PDGFRA: variants seen among roughly 807,000 people sequenced by gnomAD.
PDGFRA encodes the protein platelet-derived growth factor receptor alpha.
A neutral mutation model predicts 121.5 loss-of-function variants in PDGFRA; 25 were observed. The observed-to-expected ratio is 0.21, with a 90% CI of 0.15 to 0.29. PDGFRA has a LOEUF of 0.29. PDGFRA is among the 10% of genes least tolerant of loss of function. The pLI is 1.00. For missense variants in PDGFRA, 1,008 were observed against 1,345.1 expected (o/e 0.75, Z 3.92); for synonymous variants, 463 against 494.8 (o/e 0.94, Z 0.85).
intron 15 of PDGFRA, 137 bp from the exon 16 acceptor site, chr4:54,280,179 G>A (rs1723990318): frequency 1.5e-6 from 1 of 675,906 alleles, no homozygotes; most frequent in Non-Finnish European, 2.7e-6. Context: ...CATGTGAAAG[G>A]TATGGATTGG....
At chr4:54,251,057 C>A in intron 1 of PDGFRA, among the ~76,000 whole-genome samples, 1 of 140,582 alleles carries the variant, frequency 7.1e-6, no homozygotes, top group Admixed American at 7.3e-5. Context: ...AAGAGGGAAA[C>A]TCCGTCTCAA....
rs1577714268 is a variant in PDGFRA, at chr4:54,267,220, A to G, written c.760-69A>G. 46 of 1,406,252 alleles carry G rather than the reference A, an allele frequency of 3.3e-5. 2 individuals are homozygous for G. The South Asian group carries it at 4.3e-4, about 13-fold the overall frequency. 87.1% of individuals were successfully genotyped at this position (1,406,252 alleles called of 1,614,324 possible). On this transcript the variant is annotated intron_variant, in intron 5 of 22. Coordinates refer to ENST00000257290, the MANE Select transcript of PDGFRA (RefSeq NM_006206.6). Reference sequence around the variant, plus strand: ...CACATCCATATCATCCAGAGTCCATAGTTTATCTTAGAGTTCACTCCTAGG... The same window carrying G: ...CACATCCATATCATCCAGAGTCCATGGTTTATCTTAGAGTTCACTCCTAGG...
At chr4:54,280,943 T>A (rs758992740) in intron 16 of PDGFRA, among the ~76,000 whole-genome samples, 14 of 152,214 alleles carry the variant, frequency 9.2e-5, no homozygotes, top group Non-Finnish European at 1.9e-4. Context: ...AAGTCTCTGA[T>A]GTCTATGAGT....
intron 1 of PDGFRA, among the ~76,000 whole-genome samples, chr4:54,231,489 G>A (rs1026714605): frequency 2.0e-5 from 3 of 152,226 alleles, no homozygotes; most frequent in African/African-American, 7.2e-5. Context: ...CTCTCCGGGC[G>A]TGCGCACCTC....
rs576172568 is a variant in PDGFRA at position 54,241,982 on chromosome 4, T to G, written c.-13+12567T>G. ...ACTTTTAATTCTAGAATCTGTTTCC[T>G]TTGAAGGCCTCTCAGATTTATATCT... On this transcript the variant is annotated intron_variant, in intron 1 of 22. Coordinates refer to ENST00000257290, the MANE Select transcript of PDGFRA (RefSeq NM_006206.6). Among the ~76,000 whole-genome samples, 3 of 152,356 alleles carry G rather than the reference T, an allele frequency of 2.0e-5. No individual in the cohort carries two copies. In the South Asian group the frequency reaches 6.2e-4, roughly 32 times the overall value.
chr4:54,282,435 T>G (rs1160917518), intron 16 of PDGFRA, among the ~76,000 whole-genome samples: 2 of 152,084 alleles, frequency 1.3e-5, no homozygotes, highest in African/African-American at 4.8e-5. Flanking sequence ...GCCACACACT[T>G]CTAAACAGTC....
rs1459742164 is a variant in PDGFRA, at chr4:54,286,016, C to T, written c.2562+53C>T. ...GGCTCATCCTCCTTCACTTTAATCT[C>T]TAAAGTCAGGTGTTGCTTCTAGAGA... On this transcript the variant is annotated intron_variant, in intron 18 of 22. Coordinates refer to ENST00000257290, the MANE Select transcript of PDGFRA (RefSeq NM_006206.6). The T allele has an allele frequency of 3.8e-6, 6 of 1,578,326 alleles. No individual in the cohort carries two copies. The African/African-American group carries it at 8.1e-5, about 21-fold the overall frequency.
intron 1 of PDGFRA, among the ~76,000 whole-genome samples, chr4:54,236,211 G>T (rs939841584): frequency 6.6e-6 from 1 of 152,222 alleles, no homozygotes; most frequent in African/African-American, 2.4e-5. Flanking sequence ...TGCAAAGGGG[G>T]TTGTTCTCAC....
At chr4:54,229,457 TC>T in intron 1 of PDGFRA, 42 bp downstream of exon 1, 1 of 393,552 alleles carries the variant, frequency 2.5e-6, no homozygotes, top group Middle Eastern at 6.4e-4. Context: ...ATAAGGGAAG[TC>T]CCTGATCAGA....
At chr4:54,287,596 A>G in intron 19 of PDGFRA, 55 bp downstream of exon 19, 1 of 804,956 alleles carries the variant, frequency 1.2e-6, no homozygotes, top group South Asian at 1.3e-5. Flanking sequence ...CACTGGAAGG[A>G]AAATGTGTTC....
chr4:54,283,081 G>C (rs1358952149), intron 16 of PDGFRA, among the ~76,000 whole-genome samples: 1 of 152,162 alleles, frequency 6.6e-6, no homozygotes, highest in Non-Finnish European at 1.5e-5. Context: ...GGTTTTTCCT[G>C]GTGCAGAGTG....
At chr4:54,239,596 C>T (rs1721188083) in intron 1 of PDGFRA, among the ~76,000 whole-genome samples, 1 of 152,146 alleles carries the variant, frequency 6.6e-6, no homozygotes, top group East Asian at 1.9e-4. Context: ...CTCTCCTTGC[C>T]CAGATTCAAC....
intron 1 of PDGFRA, among the ~76,000 whole-genome samples, chr4:54,242,171 T>C (rs1721338323): frequency 6.6e-6 from 1 of 152,212 alleles, no homozygotes; most frequent in South Asian, 2.1e-4. Flanking sequence ...GCTTAGAGAA[T>C]GAGAGGTTTC....
chr4:54,289,180 G>A, intron 21 of PDGFRA, 66 bp downstream of exon 21: 2 of 918,372 alleles, frequency 2.2e-6, no homozygotes, highest in South Asian at 2.7e-5. Flanking sequence ...GAGCTGTGCT[G>A]TTCCGCAGTT....
At chr4:54,275,659 A>C (rs1219782613) in intron 12 of PDGFRA, among the ~76,000 whole-genome samples, 1 of 152,240 alleles carries the variant, frequency 6.6e-6, no homozygotes, top group Non-Finnish European at 1.5e-5. Context: ...GCAGGTTTTA[A>C]TTATCCACCG....
intron 16 of PDGFRA, among the ~76,000 whole-genome samples, chr4:54,281,214 G>A (rs902919009): frequency 6.6e-6 from 1 of 152,164 alleles, no homozygotes; most frequent in Non-Finnish European, 1.5e-5. Context: ...ACTGGTCACA[G>A]ACATGAAGCT....
intron 7 of PDGFRA, 41 bp downstream of exon 7, chr4:54,267,782 G>C: frequency 6.5e-7 from 1 of 1,540,830 alleles, no homozygotes; most frequent in African/African-American, 1.4e-5. Flanking sequence ...TTTTTAGTGT[G>C]CATCAGAGGC....
intron 15 of PDGFRA, among the ~76,000 whole-genome samples, chr4:54,279,330 G>A (rs1375903435): frequency 2.6e-5 from 4 of 152,118 alleles, no homozygotes; most frequent in African/African-American, 9.7e-5. Context: ...GACATTTGTG[G>A]AGTCCTTTGT....
At chr4:54,267,236 C>T in intron 5 of PDGFRA, 53 bp from the exon 6 acceptor site, 5 of 1,542,222 alleles carry the variant, frequency 3.2e-6, no homozygotes, top group Non-Finnish European at 4.5e-6. Flanking sequence ...TCTTAGAGTT[C>T]ACTCCTAGGA....
Sources: gnomAD v4.1 joint callset for allele counts (sites outside exome capture counted in the v4.1 genomes callset) on GRCh38, gnomAD v4.1.1 for gene constraint, MANE v1.5 for transcripts, NCBI Gene and HGNC (gene_info 2026-07-23, HGNC 2026-07-21) for gene names.